The following NAALADL2 variants were observed in gnomAD, a reference collection of about 807,000 sequenced individuals.
NAALADL2 encodes the protein inactive N-acetylated-alpha-linked acidic dipeptidase-like protein 2.
A neutral mutation model predicts 87.2 loss-of-function variants in NAALADL2; 76 were observed. The observed-to-expected ratio is 0.87, with a 90% CI of 0.72 to 1.05. NAALADL2 has a LOEUF of 1.05. Ranked by LOEUF, NAALADL2 falls within the 50% of genes least tolerant of loss-of-function variation. NAALADL2 has a pLI of 0.00. For missense variants in NAALADL2, 1,089 were observed against 945.8 expected, an observed-to-expected ratio of 1.15 and a Z score of -1.99; for synonymous variants, 354 against 331.0, an observed-to-expected ratio of 1.07 and a Z score of -0.75.
intron 3 of NAALADL2, among the ~76,000 whole-genome samples, chr3:174,748,829 A>G (rs746431541): frequency 6.6e-6 from 1 of 152,276 alleles, no homozygotes; most frequent in Middle Eastern, 3.4e-3. Context: ...AAGCCAACAC[A>G]TCTATTACCA....
chr3:175,307,986 A>T (rs1757920131), intron 4 of NAALADL2, among the ~76,000 whole-genome samples: 1 of 152,086 alleles, frequency 6.6e-6, no homozygotes, highest in African/African-American at 2.4e-5. Context: ...CTCCCACTTG[A>T]TGTGCACAGT....
At chr3:175,211,343 G>A (rs1245733354) in intron 2 of NAALADL2, among the ~76,000 whole-genome samples, 8 of 151,860 alleles carry the variant, frequency 5.3e-5, no homozygotes, top group African/African-American at 1.9e-4. Context: ...GGTTTCCAGG[G>A]AAGGCATTCC....
intron 1 of NAALADL2, among the ~76,000 whole-genome samples, chr3:174,948,968 G>A (rs1233097801): frequency 6.6e-6 from 1 of 152,154 alleles, no homozygotes. Context: ...GTCTGGTGAA[G>A]GCCCACTTCC....
intron 2 of NAALADL2, among the ~76,000 whole-genome samples, chr3:175,097,799 T>C (rs1014187529): frequency 2.0e-5 from 3 of 152,174 alleles, no homozygotes; most frequent in Non-Finnish European, 4.4e-5. Flanking sequence ...TAAAAGGTTT[T>C]CTAGTTTACA....
chr3:174,877,365 C>T (rs1038459967), intron 1 of NAALADL2, among the ~76,000 whole-genome samples: 7 of 151,972 alleles, frequency 4.6e-5, no homozygotes, highest in South Asian at 2.1e-4. Context: ...GTGATCCTTC[C>T]GTTATCTTTA....
intron 10 of NAALADL2, among the ~76,000 whole-genome samples, chr3:175,613,414 C>T (rs984229970): frequency 8.6e-5 from 13 of 152,034 alleles, no homozygotes; most frequent in South Asian, 8.3e-4. Context: ...AATGGGCAAG[C>T]GAAGATTTTA....
At chr3:175,516,117 A>G (rs529718371) in intron 9 of NAALADL2, among the ~76,000 whole-genome samples, 1 of 152,374 alleles carries the variant, frequency 6.6e-6, no homozygotes, top group Non-Finnish European at 1.5e-5. Context: ...CAGTTAGGAA[A>G]CAAAGTCTCA....
At chr3:175,264,307 A>T (rs1474235976) in intron 4 of NAALADL2, among the ~76,000 whole-genome samples, 1 of 151,866 alleles carries the variant, frequency 6.6e-6, no homozygotes, top group Admixed American at 6.6e-5. Flanking sequence ...TTGTGTGAAG[A>T]TTAAATCTGA....
At chr3:174,810,805 A>T (rs1553862273) in intron 3 of NAALADL2, among the ~76,000 whole-genome samples, 1 of 152,088 alleles carries the variant, frequency 6.6e-6, no homozygotes, top group Non-Finnish European at 1.5e-5. Context: ...TGGGGAGAAG[A>T]CCTCGAAGGT....
At chr3:174,808,415 T>C (rs1358773641) in intron 3 of NAALADL2, among the ~76,000 whole-genome samples, 1 of 152,166 alleles carries the variant, frequency 6.6e-6, no homozygotes, top group Non-Finnish European at 1.5e-5. Context: ...GTTGACTACA[T>C]TTTCTCATGA....
intron 1 of NAALADL2, among the ~76,000 whole-genome samples, chr3:174,508,113 G>GTTTTTTTTTTTTTTTT (rs1560020933): frequency 1.3e-4 from 12 of 92,956 alleles, no homozygotes; most frequent in East Asian, 9.5e-4. Context: ...GATATCTAGT[G>GTTTTTTTTTTTTTTTT]GTTTTTTTTT....
At chr3:175,650,398 C>T (rs1164155946) in intron 11 of NAALADL2, among the ~76,000 whole-genome samples, 1 of 152,114 alleles carries the variant, frequency 6.6e-6, no homozygotes, top group Admixed American at 6.5e-5. Flanking sequence ...GATGGAAATA[C>T]TCTATAGCTG....
Position 175,588,534 on chromosome 3 carries a change from C to CTTTTTTTTTTTTTTTTTTTTTTTTT in NAALADL2, c.1800+12369_1800+12370insTTTTTTTTTTTTTTTTTTTTTTTTT, listed in dbSNP as rs1168817019. ...TTAGGAGACTTTCTTTCTTTCTTTT[C>CTTTTTTTTTTTTTTTTTTTTTTTTT]TTTTTTTTTTTTTTTTTTTTTTGAG... On this transcript the variant is annotated intron_variant, in intron 10 of 13. Transcript: ENST00000454872. 5.5e-4 allele frequency among the ~76,000 whole-genome samples: 43 copies of CTTTTTTTTTTTTTTTTTTTTTTTTT among 78,138 alleles called. 1 individual carries two copies. Among genetic ancestry groups the CTTTTTTTTTTTTTTTTTTTTTTTTT allele is most frequent in the Non-Finnish European group, 6.6e-4 (28 of 42,128 alleles). The allele number at this position is 78,138 out of a possible 152,430, so 51.3% of individuals were successfully genotyped here.
chr3:174,718,341 T>G (rs1731401555), intron 2 of NAALADL2, among the ~76,000 whole-genome samples: 1 of 152,160 alleles, frequency 6.6e-6, no homozygotes, highest in Non-Finnish European at 1.5e-5. Flanking sequence ...GTAAAGTATT[T>G]GAGATTATTA....
At chr3:174,442,971 T>TCAGCTACA (rs1714779127) in intron 1 of NAALADL2, among the ~76,000 whole-genome samples, 1 of 152,066 alleles carries the variant, frequency 6.6e-6, no homozygotes, top group Non-Finnish European at 1.5e-5. Context: ...TGTTCAGGGA[T>TCAGCTACA]CAGCAAAGAA....
intron 11 of NAALADL2, among the ~76,000 whole-genome samples, chr3:175,631,715 C>A (rs545585243): frequency 6.6e-6 from 1 of 152,010 alleles, no homozygotes; most frequent in Middle Eastern, 3.4e-3. Context: ...ATTGACTAAA[C>A]CTAAACATGA....
rs1732016327 is a variant in NAALADL2, at chr3:174,724,639, T to G, written c.-114-13002T>G. ...GGCATAGAGAGCTTTTATATTAGAT[T>G]TATTTATTGCATATAGTAAACATTC... is the stretch of plus-strand genomic sequence containing the variant. On this transcript the variant is annotated intron_variant, in intron 2 of 3. Transcript: ENST00000434257. Among the ~76,000 whole-genome samples, 3 of 152,152 alleles carry G rather than the reference T, an allele frequency of 2.0e-5. 1 individual carries two copies. The highest frequency in any genetic ancestry group is 1.3e-4 in the Admixed American group (2 of 15,270).
intron 12 of NAALADL2, among the ~76,000 whole-genome samples, chr3:175,749,331 C>T (rs1377041637): frequency 2.0e-5 from 3 of 152,060 alleles, no homozygotes; most frequent in Admixed American, 2.0e-4. Context: ...TAAGTTGAAA[C>T]TAATTGTCTT....
intron 1 of NAALADL2, among the ~76,000 whole-genome samples, chr3:174,986,273 A>G (rs1745865381): frequency 6.8e-6 from 1 of 148,052 alleles, no homozygotes; most frequent in South Asian, 2.1e-4. Flanking sequence ...CAATATATAT[A>G]TATAAAATAT....
Sources: allele counts gnomAD v4.1 joint callset (sites outside exome capture counted in the v4.1 genomes callset), GRCh38; gene constraint gnomAD v4.1.1; transcripts MANE v1.5; gene names NCBI Gene and HGNC (gene_info 2026-07-23, HGNC 2026-07-21).